The following NANS variants were observed in gnomAD, a reference collection of about 807,000 sequenced individuals.
The protein encoded by NANS is N-acetylneuraminate-9-phosphate synthase.
Under a neutral mutation model 33.3 loss-of-function variants are expected in NANS, and 29 were observed. The ratio of observed to expected loss-of-function variants is 0.87; its 90% CI spans 0.65 to 1.19. The LOEUF is 1.19. Ranked by LOEUF, NANS falls within the 50% of genes most tolerant of loss-of-function variation. The pLI, the probability that NANS is intolerant of heterozygous loss-of-function variation, is 0.00. For synonymous variants in NANS, 163 were observed against 177.2 expected, an observed-to-expected ratio of 0.92 and a Z score of 0.64; for missense variants, 394 against 461.1, an observed-to-expected ratio of 0.85 and a Z score of 1.33.
intron 1 of NANS, 92 bp downstream of exon 1, chr9:98,057,032 G>A: frequency 1.4e-6 from 2 of 1,420,328 alleles, no homozygotes; most frequent in Non-Finnish European, 1.8e-6. Flanking sequence ...CTCCGCGGCT[G>A]GGTACCCTGG....
At chr9:98,070,203 C>T (rs987794380) in intron 2 of NANS, among the ~76,000 whole-genome samples, 4 of 152,120 alleles carry the variant, frequency 2.6e-5, no homozygotes, top group African/African-American at 4.8e-5. Context: ...CTGTAACCTT[C>T]GCCTCCCAGG....
At chr9:98,075,476 A>C (rs1203738722) in intron 2 of NANS, 7 of 141,334 alleles carry the variant, frequency 5.0e-5, no homozygotes, top group Admixed American at 2.8e-4. Context: ...GGGAGGAAGG[A>C]AGGGAGGGAG....
chr9:98,073,141 T>C (rs967786272), intron 2 of NANS, among the ~76,000 whole-genome samples: 1 of 152,078 alleles, frequency 6.6e-6, no homozygotes, highest in Non-Finnish European at 1.5e-5. Context: ...AAAGCCGCCC[T>C]TCCCTCCAGC....
chr9:98,067,278 G>A (rs973803482), intron 2 of NANS, among the ~76,000 whole-genome samples: 2 of 152,172 alleles, frequency 1.3e-5, no homozygotes, highest in African/African-American at 4.8e-5. Flanking sequence ...ATATATGAGT[G>A]GAATTGCTGG....
intron 2 of NANS, among the ~76,000 whole-genome samples, chr9:98,072,620 AG>A (rs2131639221): frequency 6.6e-6 from 1 of 152,256 alleles, no homozygotes; most frequent in African/African-American, 2.4e-5. Flanking sequence ...CATGTTGGCC[AG>A]GGTGGTCTTG....
In NANS at chr9:98,082,906, A is replaced by G; in HGVS notation, c.931A>G (p.Met311Val). 2 of 1,614,216 alleles carry G rather than the reference A, an allele frequency of 1.2e-6. No homozygotes were observed. The highest frequency in any genetic ancestry group is 2.2e-5 in the South Asian group (2 of 91,082). ...IPEGTILTMD[M>V]LTVKVGEPKG... ...GGAAGGCACCATTCTAACAATGGAC[A>G]TGCTCACCGTGAAGGTGGGTGAGCC... is the stretch of plus-strand genomic sequence containing the variant. The change falls in exon 6 of 6, where the codon ATG (methionine) becomes GTG (valine). Residue 311 changes from methionine to valine, a missense_variant. Met to Val is a conservative substitution (Grantham distance 21). Coordinates refer to ENST00000210444, the MANE Select transcript of NANS (RefSeq NM_018946.4).
chr9:98,056,885 G>T lies in NANS; in HGVS notation c.77G>T (p.Gly26Val). 1.9e-6 allele frequency: 3 copies of T among 1,611,194 alleles called. No homozygotes were observed. Among genetic ancestry groups the T allele is most frequent in the South Asian group, 1.1e-5 (1 of 90,918 alleles). The stretch of plus-strand genomic sequence containing the variant: ...CCGTGCTTCATCATTGCCGAGATCG[G>T]CCAGAACCACCAGGGCGACCTGGAC... ...QHPCFIIAEIGQNHQGDLDVA... is the reference protein window; with the variant it reads ...QHPCFIIAEIVQNHQGDLDVA... Residue 26 changes from glycine (G) to valine (V), a missense_variant, in exon 1 of 6, where the codon GGC becomes GTC. Gly to Val is a moderately radical substitution (Grantham distance 109, BLOSUM62 -3). Transcript: ENST00000210444.
At chr9:98,074,376 G>A (rs925805340) in intron 2 of NANS, among the ~76,000 whole-genome samples, 2 of 152,132 alleles carry the variant, frequency 1.3e-5, no homozygotes, top group Non-Finnish European at 2.9e-5. Flanking sequence ...GAGGGAACCC[G>A]ATAGCACGGT....
chr9:98,056,961 AC>A, intron 1 of NANS, 21 bp downstream of exon 1: 6 of 1,557,388 alleles, frequency 3.9e-6, no homozygotes, highest in Non-Finnish European at 5.2e-6. Flanking sequence ...AGCTCCCGGG[AC>A]CCGGGATTCG....
chr9:98,076,766 T>C, intron 2 of NANS, 152 bp from the exon 3 acceptor site: 1 of 625,002 alleles, frequency 1.6e-6, no homozygotes, highest in Non-Finnish European at 2.8e-6. Flanking sequence ...ATGAAATGAC[T>C]GAGAACAAAT....
At chr9:98,082,630 T>C (rs554888831) in intron 5 of NANS, among the ~76,000 whole-genome samples, 29 of 152,326 alleles carry the variant, frequency 1.9e-4, no homozygotes, top group African/African-American at 6.5e-4. Flanking sequence ...CTTTGCACTT[T>C]GTTGTAAAGG....
At chr9:98,077,829 C>T (rs893110660) in intron 3 of NANS, among the ~76,000 whole-genome samples, 11 of 152,180 alleles carry the variant, frequency 7.2e-5, no homozygotes, top group East Asian at 3.9e-4. Flanking sequence ...AGTGGCAGCT[C>T]CACACCTCAC....
chr9:98,056,765 C>T lies in NANS; in HGVS notation c.-44C>T, dbSNP rs1054502962. 2.5e-6 allele frequency: 4 copies of T among 1,595,026 alleles called. No individual in the cohort carries two copies. The highest frequency in any genetic ancestry group is 1.1e-5 in the South Asian group (1 of 89,612). On this transcript the variant is annotated 5_prime_UTR_variant, in exon 1 of 6. Coordinates refer to ENST00000210444, the MANE Select transcript of NANS (RefSeq NM_018946.4). The stretch of plus-strand genomic sequence containing the variant: ...GAGTAGAGGCGGCGGCGGCGGCGGC[C>T]GGACCCAGACTGGTAGTGAGGCTTT...
chr9:98,065,089 G>A (rs1039894723), intron 2 of NANS, among the ~76,000 whole-genome samples: 1 of 152,170 alleles, frequency 6.6e-6, no homozygotes, highest in African/African-American at 2.4e-5. Context: ...TGACATAGCA[G>A]CCTGCATTCA....
chr9:98,080,843 C>A lies in NANS; in HGVS notation c.631C>A (p.Pro211Thr). 4 of 1,603,416 alleles carry A rather than the reference C, an allele frequency of 2.5e-6. No homozygotes were observed. Among genetic ancestry groups the A allele is most frequent in the Non-Finnish European group, 2.6e-6 (3 of 1,172,424 alleles). Residue 211 changes from proline to threonine, a missense_variant, in exon 5 of 6, where the codon CCC (proline) becomes ACC (threonine). Coordinates refer to ENST00000210444, the MANE Select transcript of NANS (RefSeq NM_018946.4). The part of the protein sequence containing the change: ...SEYQKLFPDI[P>T]IGYSGHETGI... ...ATATCAGAAGCTCTTTCCTGACATTCCCATAGGGTATTCTGGGCATGAAAC... is the reference window on the plus strand; with the variant it reads ...ATATCAGAAGCTCTTTCCTGACATTACCATAGGGTATTCTGGGCATGAAAC...
chr9:98,070,336 T>TA (rs1416951461), intron 2 of NANS, among the ~76,000 whole-genome samples: 1 of 152,154 alleles, frequency 6.6e-6, no homozygotes, highest in Non-Finnish European at 1.5e-5. Flanking sequence ...CAGGCTGGTC[T>TA]TGAACTCCTG....
intron 2 of NANS, among the ~76,000 whole-genome samples, chr9:98,066,902 T>G (rs370098617): frequency 6.6e-6 from 1 of 152,154 alleles, no homozygotes; most frequent in African/African-American, 2.4e-5. Context: ...CCACTTGCCT[T>G]GGCCTCCCAA....
intron 2 of NANS, among the ~76,000 whole-genome samples, chr9:98,064,757 T>C (rs1209169254): frequency 1.3e-5 from 2 of 152,104 alleles, no homozygotes; most frequent in Non-Finnish European, 2.9e-5. Flanking sequence ...CTTTCCACAG[T>C]CCCTCAGCTG....
intron 2 of NANS, chr9:98,074,508 GAT>G (rs1829493397): frequency 6.6e-6 from 1 of 152,186 alleles, no homozygotes; most frequent in Admixed American, 6.5e-5. Flanking sequence ...GGATCTTCCA[GAT>G]TACTCAGATT....
Sources: gnomAD v4.1 joint callset for allele counts (sites outside exome capture counted in the v4.1 genomes callset) on GRCh38, gnomAD v4.1.1 for gene constraint, MANE v1.5 for transcripts, NCBI Gene and HGNC (gene_info 2026-07-23, HGNC 2026-07-21) for gene names.